Variants in CFAP57 observed in about 807,000 individuals in gnomAD.
CFAP57 encodes cilia and flagella associated protein 57, also known as cilia- and flagella-associated protein 57.
Under a neutral mutation model 146.8 loss-of-function variants are expected in CFAP57, and 116 were observed. The ratio of observed to expected loss-of-function variants is 0.79; its 90% confidence interval spans 0.68 to 0.92. CFAP57 has a LOEUF of 0.92. Ranked by LOEUF, CFAP57 falls within the 40% of genes least tolerant of loss-of-function variation. The pLI is 0.00. For synonymous variants in CFAP57, 518 were observed against 552.8 expected, an observed-to-expected ratio of 0.94 and a Z score of 0.88; for missense variants, 1,377 against 1,527.2, an observed-to-expected ratio of 0.90 and a Z score of 1.64.
chr1:43,243,260 CT>C lies in CFAP57; in HGVS notation c.3440del (p.Leu1147ProfsTer5). ...CTCTCTGATCAAGGAAATTAATGAG[CT>C]CCGCAGGGAGCTGAAGTTCACTCGG... ...NVSLIKEINELRRELKFTRSQ... is the reference protein window; with the variant it reads ...NVSLIKEINEXRRELKFTRSQ... On this transcript the variant is annotated frameshift_variant, in exon 22 of 23. Transcript: ENST00000372492. LOFTEE classifies it high-confidence loss of function. 1 of 1,550,226 alleles carries C rather than the reference CT, an allele frequency of 6.5e-7. No homozygotes were observed.
chr1:43,227,253 A>ACCCCTGTGGACTGGAGGCT, intron 18 of CFAP57, 127 bp downstream of exon 18: 1 of 1,180,016 alleles, frequency 8.5e-7, no homozygotes, highest in Non-Finnish European at 1.1e-6. Flanking sequence ...AGGTGTGTGC[A>ACCCCTGTGGACTGGAGGCT]GCCTCCAGTC....
chr1:43,176,832 G>A (rs901207007), intron 2 of CFAP57, among the ~76,000 whole-genome samples: 1 of 152,204 alleles, frequency 6.6e-6, no homozygotes, highest in Non-Finnish European at 1.5e-5. Flanking sequence ...AGTGAAGACT[G>A]AAGGAAAGGA....
intron 15 of CFAP57, 69 bp from the exon 16 acceptor site, chr1:43,222,755 A>G (rs1383832490): frequency 6.9e-7 from 1 of 1,456,668 alleles, no homozygotes; most frequent in Non-Finnish European, 9.1e-7. Context: ...ATCTCACCTC[A>G]AGCCCTGTTG....
chr1:43,240,605 A>C (rs1193482518), intron 21 of CFAP57, among the ~76,000 whole-genome samples: 1 of 152,228 alleles, frequency 6.6e-6, no homozygotes, highest in African/African-American at 2.4e-5. Context: ...AGCATGAAGA[A>C]TGAGGGGTTG....
chr1:43,173,028 T>A (rs1316414250), intron 2 of CFAP57, 118 bp downstream of exon 2: 2 of 874,336 alleles, frequency 2.3e-6, no homozygotes, highest in Non-Finnish European at 3.7e-6. Context: ...TATGCAGTAT[T>A]ATAAATGTAG....
At chr1:43,184,096 T>C (rs1349839844) in intron 4 of CFAP57, among the ~76,000 whole-genome samples, 1 of 152,246 alleles carries the variant, frequency 6.6e-6, no homozygotes, top group Non-Finnish European at 1.5e-5. Flanking sequence ...ATACCTAACC[T>C]CATTTTATAA....
chr1:43,245,936 A>G (rs527611545), intron 22 of CFAP57, among the ~76,000 whole-genome samples: 1 of 152,394 alleles, frequency 6.6e-6, no homozygotes, highest in East Asian at 1.9e-4. Flanking sequence ...CAAAACGGAA[A>G]TTAAGAAAAC....
Position 43,227,092 on chromosome 1 carries a change from A to G in CFAP57, c.2975A>G (p.Asn992Ser), listed in dbSNP as rs1249498489. Residue 992 changes from asparagine (N) to serine (S), a missense_variant, in exon 18 of 23, where the codon AAT (asparagine) becomes AGT (serine). Physicochemically the swap from Asn to Ser is conservative, Grantham distance 46 (BLOSUM62 1). Transcript: ENST00000372492. ...AAGAAGCAAATAGAACCTCGAGAGA[A>G]TGAGATCAGGGTGATGAAGGAACAG... ...ELKKQIEPRE[N>S]EIRVMKEQIQ... 4 of 1,544,404 alleles carry G rather than the reference A, an allele frequency of 2.6e-6. No homozygotes were observed. In the South Asian group the frequency reaches 4.8e-5, roughly 19 times the overall value.
intron 11 of CFAP57, 110 bp from the exon 12 acceptor site, chr1:43,215,145 G>C (rs958679429): frequency 7.7e-7 from 1 of 1,304,482 alleles, no homozygotes; most frequent in Non-Finnish European, 1.1e-6. Context: ...TTACCTCCCT[G>C]TGAGGCTGTG....
chr1:43,197,250 G>A (rs1454400504), intron 6 of CFAP57, among the ~76,000 whole-genome samples: 2 of 152,070 alleles, frequency 1.3e-5, no homozygotes, highest in Admixed American at 6.5e-5. Flanking sequence ...CCAGCTACTC[G>A]GGAGGCTGAG....
intron 21 of CFAP57, among the ~76,000 whole-genome samples, chr1:43,241,174 G>A (rs924075840): frequency 6.6e-6 from 1 of 152,126 alleles, no homozygotes; most frequent in South Asian, 2.1e-4. Flanking sequence ...TTGCAGGAAC[G>A]AATAGAACAA....
rs1362464044 is a variant in CFAP57 at position 43,201,746 on chromosome 1, G to T, written c.1542+2243G>T. Reference sequence around the variant, plus strand: ...TTCTCCTGCCTCAGCCTCCTGAGTAGCTGGGATTACAGGCATGTACCACCA... The same window carrying T: ...TTCTCCTGCCTCAGCCTCCTGAGTATCTGGGATTACAGGCATGTACCACCA... On this transcript the variant is annotated intron_variant, in intron 9 of 22. Transcript: ENST00000372492. This position sits in a 1 kb window ranked among gnomAD's most constrained non-coding sequence, Gnocchi z 4.4. Among the ~76,000 whole-genome samples the T allele has an allele frequency of 6.6e-6, 1 of 152,198 alleles. No homozygotes were observed. Among genetic ancestry groups the T allele is most frequent in the South Asian group, 2.1e-4 (1 of 4,832 alleles).
chr1:43,172,587 A>C, intron 1 of CFAP57, 134 bp downstream of exon 1: 1 of 409,458 alleles, frequency 2.4e-6, no homozygotes, highest in Non-Finnish European at 4.3e-6. Context: ...GGGAGGGACA[A>C]GGGGAGGGGA....
At chr1:43,184,002 C>T in intron 4 of CFAP57, 125 bp downstream of exon 4, 1 of 1,125,266 alleles carries the variant, frequency 8.9e-7, no homozygotes, top group Non-Finnish European at 1.3e-6. Context: ...CCCATTTTCC[C>T]TCTTCCTCTC....
intron 16 of CFAP57, among the ~76,000 whole-genome samples, 163 bp downstream of exon 16, chr1:43,223,160 G>C (rs1437314378): frequency 6.6e-6 from 1 of 152,220 alleles, no homozygotes; most frequent in African/African-American, 2.4e-5. Flanking sequence ...CCCTCACGCA[G>C]ATGGACCCTC....
At chr1:43,252,780 A>G (rs1646356650) in intron 22 of CFAP57, among the ~76,000 whole-genome samples, 1 of 152,244 alleles carries the variant, frequency 6.6e-6, no homozygotes, top group Non-Finnish European at 1.5e-5. Flanking sequence ...AGATTTGAAA[A>G]GGAACCAAAT....
At chr1:43,183,117 T>A (rs1439090291) in intron 3 of CFAP57, among the ~76,000 whole-genome samples, 7 of 152,220 alleles carry the variant, frequency 4.6e-5, no homozygotes, top group Non-Finnish European at 1.0e-4. Context: ...CACCTTATGA[T>A]GGGTTTATCA....
intron 21 of CFAP57, among the ~76,000 whole-genome samples, chr1:43,242,916 C>A (rs1645981547): frequency 6.6e-6 from 1 of 151,730 alleles, no homozygotes; most frequent in Admixed American, 6.6e-5. Context: ...ATAATAATAG[C>A]CATAGGGTTA....
intron 10 of CFAP57, 120 bp downstream of exon 10, chr1:43,207,052 C>CTTACAGCACAAAGTATGCACGG: frequency 1.0e-6 from 1 of 957,860 alleles, no homozygotes; most frequent in Non-Finnish European, 1.6e-6. Context: ...CCCTTCTTCC[C>CTTACAGCACAAAGTATGCACGG]AAGATAACAT....
Sources: allele counts gnomAD v4.1 joint callset (sites outside exome capture counted in the v4.1 genomes callset), GRCh38; gene constraint gnomAD v4.1.1; non-coding constraint Gnocchi (gnomAD v3.1); transcripts MANE v1.5; gene names NCBI Gene and HGNC (gene_info 2026-07-23, HGNC 2026-07-21).